The following ABL2 variants were observed in gnomAD, a reference collection of about 807,000 sequenced individuals.
ABL2 encodes ABL proto-oncogene 2, non-receptor tyrosine kinase.
In ABL2, 49 loss-of-function variants were observed where a neutral mutation model predicts 107.7. The observed-to-expected ratio is 0.45, with a 90% CI of 0.36 to 0.58. ABL2 has a LOEUF of 0.58. Among genes scored for constraint, ABL2 ranks in the 20% least tolerant of loss-of-function variants. ABL2 has a pLI of 0.00. For synonymous variants in ABL2, 549 were observed against 548.6 expected, an observed-to-expected ratio of 1.00 and a Z score of -0.01; for missense variants, 1,245 against 1,457.0, an observed-to-expected ratio of 0.85 and a Z score of 2.37.
chr1:179,200,556 C>T (rs962285445), intron 1 of ABL2, among the ~76,000 whole-genome samples: 2 of 152,178 alleles, frequency 1.3e-5, no homozygotes, highest in Non-Finnish European at 2.9e-5. Flanking sequence ...TTCGCATATT[C>T]TATCTCCCAC....
At chr1:179,157,166 A>C (rs1658747840) in intron 1 of ABL2, among the ~76,000 whole-genome samples, 1 of 152,130 alleles carries the variant, frequency 6.6e-6, no homozygotes, top group South Asian at 2.1e-4. Flanking sequence ...ACACTCAAGG[A>C]AAATGTTCAC....
At chr1:179,139,865 T>C (rs1476288987) in intron 1 of ABL2, among the ~76,000 whole-genome samples, 1 of 152,214 alleles carries the variant, frequency 6.6e-6, no homozygotes. Flanking sequence ...GATAATCTAA[T>C]GCCTGATGAT....
At chr1:179,127,959 C>A (rs369120451) in intron 3 of ABL2, among the ~76,000 whole-genome samples, 2 of 150,064 alleles carry the variant, frequency 1.3e-5, no homozygotes, top group African/African-American at 4.9e-5. Context: ...TGCTTGAACC[C>A]GGGAGGCTGA....
chr1:179,209,298 T>A (rs1341601670), intron 1 of ABL2, among the ~76,000 whole-genome samples: 1 of 152,270 alleles, frequency 6.6e-6, no homozygotes, highest in African/African-American at 2.4e-5. Flanking sequence ...CCTTGCTAAG[T>A]TCCCCCCAGG....
chr1:179,219,910 T>C (rs1181380368), intron 1 of ABL2, among the ~76,000 whole-genome samples: 2 of 152,282 alleles, frequency 1.3e-5, no homozygotes, highest in African/African-American at 4.8e-5. Flanking sequence ...ACAATCATCT[T>C]GAGGTAAATA....
At chr1:179,121,474 G>C in intron 5 of ABL2, 121 bp downstream of exon 5, 2 of 1,290,924 alleles carry the variant, frequency 1.5e-6, no homozygotes, top group Non-Finnish European at 2.1e-6. Flanking sequence ...TCAATTTGCT[G>C]ATGTGCTTGG....
rs544926258 is a variant in ABL2 at position 179,115,095 on chromosome 1, G to T, written c.1409-65C>A. The T allele has an allele frequency of 4.1e-6, 6 of 1,464,454 alleles. No homozygotes were observed. In the East Asian group the frequency reaches 1.2e-4, roughly 28 times the overall value. The allele number at this position is 1,464,454 out of a possible 1,614,324, so 90.7% of individuals were successfully genotyped here. A position where few individuals can be genotyped will look rare whatever the true frequency, so the allele number is the denominator to read the frequency against. On this transcript the variant is annotated intron_variant, in intron 8 of 11. Transcript: ENST00000502732. ...CCGATTATTTATTTTACATAATTAG[G>T]TGATTCTCTTTCATATTTTAGGTAA...
intron 2 of ABL2, among the ~76,000 whole-genome samples, chr1:179,131,729 T>A (rs1381742784): frequency 6.6e-6 from 1 of 152,222 alleles, no homozygotes; most frequent in Non-Finnish European, 1.5e-5. Context: ...TAGCCGTGAT[T>A]TATATGCACT....
chr1:179,227,727 T>C (rs922790896), intron 1 of ABL2, among the ~76,000 whole-genome samples: 1 of 152,182 alleles, frequency 6.6e-6, no homozygotes, highest in Non-Finnish European at 1.5e-5. Context: ...AGTGTTCATA[T>C]ACCCGAAAGA....
rs1010540568 is a variant in ABL2, at chr1:179,108,842, T to C, written c.2425A>G (p.Lys809Glu). The C allele has an allele frequency of 6.2e-7, 1 of 1,614,088 alleles. No homozygotes were observed. The highest frequency in any genetic ancestry group is 1.3e-5 in the African/African-American group (1 of 74,940). Residue 809 changes from lysine (K) to glutamate (E), a missense_variant, in exon 12 of 12, where the codon AAA (lysine) becomes GAA (glutamate). This residue lies in a region of ABL2 where 761 missense variants were observed against 766.4 expected (regional missense o/e 0.99). Transcript: ENST00000502732. ...MTLPRNCQRS[K>E]LQLERTVSTS... ...GACACTGTCCTTTCCAGCTGGAGTT[T>C]GGACCTCTGGCAGTTCCTGGGAAGG...
intron 1 of ABL2, among the ~76,000 whole-genome samples, chr1:179,192,449 C>T (rs1305849122): frequency 1.3e-5 from 2 of 152,146 alleles, no homozygotes; most frequent in Non-Finnish European, 2.9e-5. Flanking sequence ...CTCAATAAAT[C>T]CTAGACCACT....
intron 1 of ABL2, among the ~76,000 whole-genome samples, chr1:179,152,023 A>G (rs897795393): frequency 7.2e-5 from 11 of 152,170 alleles, no homozygotes; most frequent in African/African-American, 2.7e-4. Context: ...GGAAGAGCAC[A>G]TTTTTCTAAG....
intron 1 of ABL2, chr1:179,137,621 G>A (rs1657159045): frequency 6.6e-6 from 1 of 152,150 alleles, no homozygotes; most frequent in African/African-American, 2.4e-5. Flanking sequence ...ATAGTAATAA[G>A]CAGAAGCCAA....
chr1:179,108,033 T>C lies in ABL2; in HGVS notation c.3234A>G (p.Lys1078=). 6.2e-7 allele frequency: 1 copy of C among 1,614,232 alleles called. No homozygotes were observed. Among genetic ancestry groups the C allele is most frequent in the Non-Finnish European group, 8.5e-7 (1 of 1,180,048 alleles). The change falls in exon 12 of 12, where the codon AAA becomes AAG. Residue 1078 remains lysine, a synonymous_variant. Transcript: ENST00000502732. ...ALRKTKQAAE[K]ISADKISKEA... is the part of the protein sequence containing the mutation. ...CTTTGCTGATTTTGTCTGCTGAGAT[T>C]TTCTCAGCGGCCTGTTTGGTTTTTC... is the stretch of plus-strand genomic sequence containing the variant.
intron 1 of ABL2, among the ~76,000 whole-genome samples, chr1:179,144,126 A>G (rs1657822324): frequency 6.6e-6 from 1 of 152,212 alleles, no homozygotes; most frequent in Non-Finnish European, 1.5e-5. Flanking sequence ...TACAAATAAT[A>G]CATGACTTTA....
intron 1 of ABL2, among the ~76,000 whole-genome samples, chr1:179,203,145 A>C (rs1240894531): frequency 6.6e-6 from 1 of 152,212 alleles, no homozygotes; most frequent in Non-Finnish European, 1.5e-5. Context: ...TAAAAAGAAC[A>C]AATCATTTTT....
rs558319702 is a variant in ABL2 at position 179,229,310 on chromosome 1, G to A, written c.88C>T (p.Pro30Ser). ...GCCGGGTCCCGCCTGCGGCCGGAGG[G>A]CCTGGCTGCACTGCTGCCCCGGATC... ...RGIRGSSAARPSGRRRDPAGR... is the reference protein window; with the variant it reads ...RGIRGSSAARSSGRRRDPAGR... The change falls in exon 1 of 12, where the codon CCC (proline) becomes TCC (serine). Residue 30 changes from proline to serine, a missense_variant. Coordinates refer to ENST00000502732, the MANE Select transcript of ABL2 (RefSeq NM_007314.4). 101 of 1,583,104 alleles carry A rather than the reference G, an allele frequency of 6.4e-5. 2 individuals are homozygous for A. In the South Asian group the frequency reaches 1.1e-3, roughly 16 times the overall value.
intron 1 of ABL2, among the ~76,000 whole-genome samples, chr1:179,155,816 T>G (rs1390874488): frequency 1.3e-5 from 2 of 152,106 alleles, no homozygotes; most frequent in African/African-American, 2.4e-5. Context: ...CTAGTATGAC[T>G]GGACAATTTC....
chr1:179,179,450 A>G (rs933933661), intron 1 of ABL2, among the ~76,000 whole-genome samples: 4 of 151,794 alleles, frequency 2.6e-5, no homozygotes, highest in African/African-American at 4.8e-5. Context: ...AGCAACAGCT[A>G]TCTTAAAGGG....
Sources: gnomAD v4.1 joint callset for allele counts (sites outside exome capture counted in the v4.1 genomes callset) on GRCh38, gnomAD v4.1.1 for gene constraint, gnomAD v4.1.1 regional missense constraint, MANE v1.5 for transcripts, NCBI Gene and HGNC (gene_info 2026-07-23, HGNC 2026-07-21) for gene names.